The following PCDHGB3 variants were observed in gnomAD, a reference collection of about 807,000 sequenced individuals.
PCDHGB3 encodes the protein protocadherin gamma-B3.
A neutral mutation model predicts 59.2 loss-of-function variants in PCDHGB3; 40 were observed. The ratio of observed to expected loss-of-function variants is 0.68; its 90% confidence interval spans 0.52 to 0.88. The LOEUF (loss-of-function observed/expected upper bound fraction) is 0.88, where lower values mean the gene tolerates loss of function less well. Ranked by LOEUF, PCDHGB3 falls within the 40% of genes least tolerant of loss-of-function variation. The probability of loss-of-function intolerance (pLI) is 0.00; values close to 1 mark genes in which losing one functional copy is unlikely to be tolerated. For synonymous variants in PCDHGB3, 581 were observed against 503.6 expected (o/e 1.15, Z -2.06); for missense variants, 1,309 against 1,187.9 (o/e 1.10, Z -1.50).
chr5:141,394,864 C>G lies in PCDHGB3; in HGVS notation c.2415+22055C>G. Reference sequence around the variant, plus strand: ...GGCAGTCTGAAGCCTTCGGTCGACCCGAACGATTCGAGCCTTACACTCTAT... The same window carrying G: ...GGCAGTCTGAAGCCTTCGGTCGACCGGAACGATTCGAGCCTTACACTCTAT... On this transcript the variant is annotated intron_variant, in intron 1 of 3. Coordinates refer to ENST00000576222, the MANE Select transcript of PCDHGB3 (RefSeq NM_018924.5). The G allele has an allele frequency of 1.2e-6, 2 of 1,613,780 alleles. No individual in the cohort carries two copies. The highest frequency in any genetic ancestry group is 1.7e-6 in the Non-Finnish European group (2 of 1,179,900).
At chr5:141,404,859 A>G in intron 1 of PCDHGB3, 1 of 1,613,494 alleles carries the variant, frequency 6.2e-7, no homozygotes, top group South Asian at 1.1e-5. Flanking sequence ...CTAGATAGAG[A>G]TGCGCTCAAA....
chr5:141,504,583 A>C (rs1230825472), intron 2 of PCDHGB3, among the ~76,000 whole-genome samples: 5 of 146,622 alleles, frequency 3.4e-5, no homozygotes, highest in Non-Finnish European at 7.4e-5. Context: ...CCATCTGCCC[A>C]GGATTCACAG....
intron 1 of PCDHGB3, among the ~76,000 whole-genome samples, chr5:141,420,643 A>G (rs145459829): frequency 0.01 from 1,535 of 152,326 alleles, 17 homozygotes; most frequent in Non-Finnish European, 0.013. Flanking sequence ...GGAACCTTGT[A>G]AGAATTATAG....
intron 1 of PCDHGB3, chr5:141,407,951 A>C: frequency 1.7e-6 from 1 of 578,566 alleles, no homozygotes; most frequent in Non-Finnish European, 2.8e-6. Context: ...GCTGTCGGCC[A>C]GTGCAGAGCA....
intron 1 of PCDHGB3, among the ~76,000 whole-genome samples, chr5:141,448,917 C>T (rs913804081): frequency 2.6e-5 from 4 of 152,130 alleles, no homozygotes; most frequent in African/African-American, 9.7e-5. Context: ...TGCACTCCAG[C>T]CTGGGCGACA....
Position 141,491,262 on chromosome 5 carries a change from G to A in PCDHGB3, c.2416-3545G>A. ...TGGAGGATGAGGACCCTGAGGAAATGCCCAAATCCAGTGACTTCCTCATAC... is the reference window on the plus strand; with the variant it reads ...TGGAGGATGAGGACCCTGAGGAAATACCCAAATCCAGTGACTTCCTCATAC... On this transcript the variant is annotated intron_variant, in intron 1 of 3. Transcript: ENST00000576222. The surrounding 1 kb of genome is among the most constrained non-coding windows in gnomAD (Gnocchi z 6.9). 2 of 1,614,122 alleles carry A rather than the reference G, an allele frequency of 1.2e-6. No individual in the cohort carries two copies. Among genetic ancestry groups the A allele is most frequent in the Non-Finnish European group, 1.7e-6 (2 of 1,179,952 alleles).
Position 141,491,842 on chromosome 5 carries a change from T to C in PCDHGB3, c.2416-2965T>C, listed in dbSNP as rs551615550. The C allele has an allele frequency of 7.5e-6, 11 of 1,464,162 alleles. No homozygotes were observed. In the South Asian group the frequency reaches 1.3e-4, roughly 17 times the overall value. 90.7% of individuals were successfully genotyped at this position (1,464,162 alleles called of 1,614,324 possible). ...GCGCTCCACCCGATTCTCGGGATCA[T>C]TGGACCGTTTGCGCGAAACCAGAGT... On this transcript the variant is annotated intron_variant, in intron 1 of 3. Transcript: ENST00000576222. The surrounding 1 kb of genome is among the most constrained non-coding windows in gnomAD (Gnocchi z 6.9).
chr5:141,491,980 C>A lies in PCDHGB3; in HGVS notation c.2416-2827C>A. On this transcript the variant is annotated intron_variant, in intron 1 of 3. Coordinates refer to ENST00000576222, the MANE Select transcript of PCDHGB3 (RefSeq NM_018924.5). This position sits in a 1 kb window ranked among gnomAD's most constrained non-coding sequence, Gnocchi z 6.9. ...AAAAAAGGCCGGGGCCTCCTTCGAGCTTCCGGTGAATTTCGGGCGATTTCC... is the reference window on the plus strand; with the variant it reads ...AAAAAAGGCCGGGGCCTCCTTCGAGATTCCGGTGAATTTCGGGCGATTTCC... 1.3e-6 allele frequency: 1 copy of A among 784,426 alleles called. No homozygotes were observed. Among genetic ancestry groups the A allele is most frequent in the Non-Finnish European group, 1.9e-6 (1 of 530,582 alleles). The allele number at this position is 784,426 out of a possible 1,614,324, so 48.6% of individuals were successfully genotyped here.
intron 2 of PCDHGB3, among the ~76,000 whole-genome samples, chr5:141,497,905 C>T (rs1052659134): frequency 6.6e-6 from 1 of 152,178 alleles, no homozygotes; most frequent in Non-Finnish European, 1.5e-5. Context: ...GTAACTTCAA[C>T]TTCTCTCCTT....
rs752472089 is a variant in PCDHGB3, at chr5:141,389,501, G to T, written c.2415+16692G>T. The T allele has an allele frequency of 3.7e-6, 6 of 1,612,948 alleles. No individual in the cohort carries two copies. In the East Asian group the frequency reaches 6.7e-5, roughly 18 times the overall value. On this transcript the variant is annotated intron_variant, in intron 1 of 3. Transcript: ENST00000576222. Reference sequence around the variant, plus strand: ...AGGCCCGCGACCAGGGCTCGCCAGCGCTCAGCGCGAACGTGAGCCTGCGCG... The same window carrying T: ...AGGCCCGCGACCAGGGCTCGCCAGCTCTCAGCGCGAACGTGAGCCTGCGCG...
rs554119295 is a variant in PCDHGB3 at position 141,482,963 on chromosome 5, C to T, written c.2416-11844C>T. 1.7e-4 allele frequency among the ~76,000 whole-genome samples: 10 copies of T among 57,958 alleles called. No homozygotes were observed. In the South Asian group the frequency reaches 4.5e-3, roughly 26 times the overall value. 38.0% of individuals were successfully genotyped at this position (57,958 alleles called of 152,430 possible). On this transcript the variant is annotated intron_variant, in intron 1 of 3. Coordinates refer to ENST00000576222, the MANE Select transcript of PCDHGB3 (RefSeq NM_018924.5). The stretch of plus-strand genomic sequence containing the variant: ...TTGTGGGTGCCTGTAATTCCAGCTA[C>T]TTGAGCAGCTACTTGAGAGGTCGAG...
chr5:141,479,003 C>T (rs2099485569), intron 1 of PCDHGB3, among the ~76,000 whole-genome samples: 1 of 152,176 alleles, frequency 6.6e-6, no homozygotes, highest in South Asian at 2.1e-4. Context: ...AAACTAATAG[C>T]TTTTTGATAA....
intron 1 of PCDHGB3, among the ~76,000 whole-genome samples, chr5:141,458,664 G>A (rs544369246): frequency 6.6e-6 from 1 of 152,196 alleles, no homozygotes; most frequent in African/African-American, 2.4e-5. Context: ...CCACCTCTCG[G>A]GTTCAAGCAA....
intron 1 of PCDHGB3, among the ~76,000 whole-genome samples, chr5:141,472,313 A>G (rs1411876003): frequency 6.7e-6 from 1 of 150,164 alleles, no homozygotes; most frequent in East Asian, 2.0e-4. Context: ...AAGCCGAGGC[A>G]GGCAGATCAC....
chr5:141,489,250 A>C lies in PCDHGB3; in HGVS notation c.2416-5557A>C. 1 of 1,546,554 alleles carries C rather than the reference A, an allele frequency of 6.5e-7. No individual in the cohort carries two copies. The highest frequency in any genetic ancestry group is 8.7e-7 in the Non-Finnish European group (1 of 1,146,722). On this transcript the variant is annotated intron_variant, in intron 1 of 3. Transcript: ENST00000576222. This position sits in a 1 kb window ranked among gnomAD's most constrained non-coding sequence, Gnocchi z 4.5. The stretch of plus-strand genomic sequence containing the variant: ...AAGGGACTTCTGGGTCATGGGGCCC[A>C]AGACACTCCCACAGCTCGCTGGGAA...
At chr5:141,460,569 T>C (rs1234392082) in intron 1 of PCDHGB3, among the ~76,000 whole-genome samples, 2 of 152,100 alleles carry the variant, frequency 1.3e-5, no homozygotes, top group Admixed American at 1.3e-4. Context: ...GCCATGGACA[T>C]ATGTAGGTGT....
chr5:141,511,453 T>G lies in PCDHGB3; in HGVS notation c.*280T>G. 1.7e-6 allele frequency: 1 copy of G among 595,822 alleles called. No individual in the cohort carries two copies. Among genetic ancestry groups the G allele is most frequent in the Non-Finnish European group, 2.8e-6 (1 of 360,062 alleles). 36.9% of individuals were successfully genotyped at this position (595,822 alleles called of 1,614,324 possible). ...GGTTACTGTAGACACCAAGAACCATTTGCCACACCCCGTTTAGTTACAGCT... is the reference window on the plus strand; with the variant it reads ...GGTTACTGTAGACACCAAGAACCATGTGCCACACCCCGTTTAGTTACAGCT... On this transcript the variant is annotated 3_prime_UTR_variant, in exon 4 of 4. Transcript: ENST00000576222.
At position 141,431,276 on chromosome 5, in the gene PCDHGB3, A is replaced by T; in HGVS notation, c.2415+58467A>T. 6.2e-7 allele frequency: 1 copy of T among 1,614,176 alleles called. No individual in the cohort carries two copies. Among genetic ancestry groups the T allele is most frequent in the South Asian group, 1.1e-5 (1 of 91,084 alleles). ...GAACTCTCTGCAGAGCTACGAGCTC[A>T]GCCCGAACACTCACTTCTCCCTCAT... is the stretch of plus-strand genomic sequence containing the variant. On this transcript the variant is annotated intron_variant, in intron 1 of 3. Transcript: ENST00000576222. The surrounding 1 kb of genome is among the most constrained non-coding windows in gnomAD (Gnocchi z 4.8).
chr5:141,372,392 T>G lies in PCDHGB3; in HGVS notation c.1998T>G (p.Asp666Glu). The G allele has an allele frequency of 1.2e-6, 2 of 1,614,052 alleles. No homozygotes were observed. Among genetic ancestry groups the G allele is most frequent in the East Asian group, 2.2e-5 (1 of 44,882 alleles). ...ATVMLHLIFADSLQEIQPDLS... is the reference protein window; with the variant it reads ...ATVMLHLIFAESLQEIQPDLS... Reference sequence around the variant, plus strand: ...TCATGCTGCACCTAATCTTCGCAGATAGCTTGCAAGAGATACAACCTGACC... The same window carrying G: ...TCATGCTGCACCTAATCTTCGCAGAGAGCTTGCAAGAGATACAACCTGACC... The change falls in exon 1 of 4, where the codon GAT becomes GAG. Residue 666 changes from aspartate (D) to glutamate (E), a missense_variant. Physicochemically the swap from Asp to Glu is conservative, Grantham distance 45. Coordinates refer to ENST00000576222, the MANE Select transcript of PCDHGB3 (RefSeq NM_018924.5).
Sources: gnomAD v4.1 joint callset for allele counts (sites outside exome capture counted in the v4.1 genomes callset) on GRCh38, gnomAD v4.1.1 for gene constraint, Gnocchi (gnomAD v3.1) non-coding constraint, MANE v1.5 for transcripts, NCBI Gene and HGNC (gene_info 2026-07-23, HGNC 2026-07-21) for gene names.